ARHGEF7: variants seen among roughly 807,000 people sequenced by gnomAD.
The protein encoded by ARHGEF7 is Rho guanine nucleotide exchange factor 7, also known as PAK-interacting exchange factor beta.
ARHGEF7 carries 33 observed loss-of-function variants against 109.8 expected under a neutral mutation model. The ratio of observed to expected loss-of-function variants is 0.30; its 90% CI spans 0.23 to 0.40. The LOEUF (loss-of-function observed/expected upper bound fraction) is 0.40, where lower values mean the gene tolerates loss of function less well. Ranked by LOEUF, ARHGEF7 falls within the 10% of genes least tolerant of loss-of-function variation. The probability of loss-of-function intolerance (pLI) is 1.00; values close to 1 mark genes in which losing one functional copy is unlikely to be tolerated. For missense variants in ARHGEF7, 938 were observed against 1,098.5 expected, an observed-to-expected ratio of 0.85 and a Z score of 2.07; for synonymous variants, 458 against 424.6, an observed-to-expected ratio of 1.08 and a Z score of -0.97.
At chr13:111,167,714 T>C (rs1021159749) in intron 2 of ARHGEF7, among the ~76,000 whole-genome samples, 2 of 152,212 alleles carry the variant, frequency 1.3e-5, no homozygotes, top group African/African-American at 4.8e-5. Context: ...CCCTCCTAAA[T>C]ACCCTAACCC....
intron 19 of ARHGEF7, among the ~76,000 whole-genome samples, chr13:111,296,817 G>GT (rs1156602864): frequency 5.9e-5 from 9 of 152,294 alleles, no homozygotes; most frequent in African/African-American, 2.2e-4. Flanking sequence ...TCCGAGAAGT[G>GT]TAGCCCACAA....
chr13:111,243,488 G>T (rs1475398237), intron 6 of ARHGEF7, among the ~76,000 whole-genome samples: 1 of 152,172 alleles, frequency 6.6e-6, no homozygotes, highest in East Asian at 1.9e-4. Flanking sequence ...ATGGGATGAT[G>T]CAGGATGTCC....
Position 111,143,200 on chromosome 13 carries a change from T to C in ARHGEF7, c.166-10705T>C, listed in dbSNP as rs183912128. Among the ~76,000 whole-genome samples, 249 of 152,228 alleles carry C rather than the reference T, an allele frequency of 1.6e-3. 2 individuals carry two copies. Among genetic ancestry groups the C allele is most frequent in the Admixed American group, 0.015 (233 of 15,296 alleles). On this transcript the variant is annotated intron_variant, in intron 1 of 21. Transcript: ENST00000646102. ...GGTGCCTTGGTCAAGAATAGGACAT[T>C]GGGTTATTGGTGAGGCAGAGTAGAT...
intron 8 of ARHGEF7, among the ~76,000 whole-genome samples, chr13:111,257,329 A>G (rs116642407): frequency 0.022 from 3,354 of 152,336 alleles, 125 homozygotes; most frequent in African/African-American, 0.077. Flanking sequence ...ATGCCTTTCA[A>G]TGTATTACAG....
intron 1 of ARHGEF7, among the ~76,000 whole-genome samples, chr13:111,134,140 G>A (rs1482117821): frequency 6.6e-6 from 1 of 151,994 alleles, no homozygotes; most frequent in Non-Finnish European, 1.5e-5. Flanking sequence ...TTTTATGGCT[G>A]CATAGTATTC....
intron 4 of ARHGEF7, among the ~76,000 whole-genome samples, chr13:111,215,837 C>T (rs140098394): frequency 5.9e-5 from 9 of 152,218 alleles, no homozygotes; most frequent in South Asian, 2.1e-4. Context: ...GCCTCTGAGC[C>T]GCCTTCCATT....
chr13:111,223,270 T>C (rs1188646452), intron 5 of ARHGEF7, among the ~76,000 whole-genome samples: 5 of 152,208 alleles, frequency 3.3e-5, no homozygotes, highest in African/African-American at 1.2e-4. Context: ...TATTTTGATT[T>C]ATAGTTAATT....
At chr13:111,159,469 C>CAT (rs2076585308) in intron 2 of ARHGEF7, among the ~76,000 whole-genome samples, 1 of 152,166 alleles carries the variant, frequency 6.6e-6, no homozygotes, top group African/African-American at 2.4e-5. Flanking sequence ...ATACTGTTTC[C>CAT]CAGAATGGCT....
chr13:111,153,343 T>C (rs924005317), intron 1 of ARHGEF7, among the ~76,000 whole-genome samples: 3 of 151,566 alleles, frequency 2.0e-5, no homozygotes, highest in African/African-American at 7.3e-5. Context: ...GCCGAGCGGG[T>C]GCGCTGTGTC....
chr13:111,153,970 CG>C lies in ARHGEF7; in HGVS notation c.235del (p.Ala79LeufsTer26). On this transcript the variant is annotated frameshift_variant, in exon 2 of 22. Transcript: ENST00000646102. LOFTEE classifies it high-confidence loss of function. ...ACATCCGCGAGTTCCTGCGCGGCTG[CG>C]GGGCTTCCCTGCGGCTGGAGGTGAG... The part of the protein sequence containing the change: ...SNIREFLRGC[G>X]ASLRLETFDA... 6.2e-7 allele frequency: 1 copy of C among 1,603,256 alleles called. No individual in the cohort carries two copies.
chr13:111,259,963 TA>T (rs2090905937), intron 8 of ARHGEF7, among the ~76,000 whole-genome samples: 1 of 152,152 alleles, frequency 6.6e-6, no homozygotes, highest in African/African-American at 2.4e-5. Context: ...TTGAAAAATG[TA>T]GTTGACGTAC....
chr13:111,253,071 G>C (rs2089978183), intron 8 of ARHGEF7, among the ~76,000 whole-genome samples: 1 of 152,258 alleles, frequency 6.6e-6, no homozygotes. Context: ...CAGGGCCCCT[G>C]CCTCACTTTG....
At chr13:111,185,627 C>T (rs935538410) in intron 2 of ARHGEF7, among the ~76,000 whole-genome samples, 4 of 152,252 alleles carry the variant, frequency 2.6e-5, no homozygotes, top group African/African-American at 7.2e-5. Flanking sequence ...CAGTGTGTTG[C>T]ATCTGCCCAG....
chr13:111,194,163 T>C (rs112170658), intron 2 of ARHGEF7, among the ~76,000 whole-genome samples: 25 of 152,348 alleles, frequency 1.6e-4, no homozygotes, highest in African/African-American at 5.1e-4. Context: ...ATGCCACCGG[T>C]TGTGGGGTTG....
chr13:111,229,020 G>A lies in ARHGEF7; in HGVS notation c.671-4185G>A, dbSNP rs147504884. 2.0e-4 allele frequency among the ~76,000 whole-genome samples: 31 copies of A among 152,130 alleles called. No individual in the cohort carries two copies. In the East Asian group the frequency reaches 3.3e-3, roughly 16 times the overall value. ...CAGAAGTGTGTTCTTCTCAAAAGAG[G>A]CAGAAATTCCCAGCCCTGTGATGGT... On this transcript the variant is annotated intron_variant, in intron 5 of 21. Coordinates refer to ENST00000646102, the MANE Select transcript of ARHGEF7 (RefSeq NM_001354046.2).
intron 2 of ARHGEF7, among the ~76,000 whole-genome samples, chr13:111,177,517 C>G (rs142299891): frequency 6.6e-6 from 1 of 152,286 alleles, no homozygotes; most frequent in South Asian, 2.1e-4. Context: ...GAGGGTCACA[C>G]CCCCTGAGAA....
In ARHGEF7 at chr13:111,267,638, C is replaced by T. The variant is rs2091772035; in HGVS notation, c.1041C>T (p.His347=). The change falls in exon 9 of 22, where the codon CAC becomes CAT. Residue 347 remains histidine, a synonymous_variant. Transcript: ENST00000646102. ...TGTACCTCACGTATTGTGCCAATCA[C>T]CCTTCTGCAGTGAATGTCCTCACGG... The part of the protein sequence containing the change: ...KTLYLTYCAN[H]PSAVNVLTEH... 1.2e-6 allele frequency: 2 copies of T among 1,614,092 alleles called. No homozygotes were observed. Among genetic ancestry groups the T allele is most frequent in the Middle Eastern group, 3.3e-4 (2 of 6,062 alleles).
intron 6 of ARHGEF7, among the ~76,000 whole-genome samples, chr13:111,233,877 TGTATAGTCTC>T (rs2086432136): frequency 6.6e-6 from 1 of 152,222 alleles, no homozygotes; most frequent in South Asian, 2.1e-4. Flanking sequence ...TTAAATCAAA[TGTATAGTCTC>T]ATGGTACTAA....
At chr13:111,261,715 T>TA (rs2091109527) in intron 8 of ARHGEF7, among the ~76,000 whole-genome samples, 1 of 152,210 alleles carries the variant, frequency 6.6e-6, no homozygotes, top group East Asian at 1.9e-4. Flanking sequence ...AAACAAGTCT[T>TA]AAAATTTTTT....
Sources: gnomAD v4.1 joint callset for allele counts (sites outside exome capture counted in the v4.1 genomes callset) on GRCh38, gnomAD v4.1.1 for gene constraint, MANE v1.5 for transcripts, NCBI Gene and HGNC (gene_info 2026-07-23, HGNC 2026-07-21) for gene names.